The following CSMD1 variants were observed in gnomAD, a reference collection of about 807,000 sequenced individuals.
The protein encoded by CSMD1 is CUB and Sushi multiple domains 1.
Under a neutral mutation model 417.5 loss-of-function variants are expected in CSMD1, and 213 were observed. The ratio of observed to expected loss-of-function variants is 0.51; its 90% CI spans 0.46 to 0.57. The LOEUF (loss-of-function observed/expected upper bound fraction) is 0.57, where lower values mean the gene tolerates loss of function less well. CSMD1 is among the 20% of genes least tolerant of loss of function. The probability of loss-of-function intolerance (pLI) is 0.00; values close to 1 mark genes in which losing one functional copy is unlikely to be tolerated. For missense variants in CSMD1, 6,923 were observed against 4,529.7 expected (o/e 1.53, Z -15.17); for synonymous variants, 2,862 against 1,736.8 (o/e 1.65, Z -16.11).
At chr8:4,488,258 C>T (rs549170062) in intron 2 of CSMD1, among the ~76,000 whole-genome samples, 19 of 152,256 alleles carry the variant, frequency 1.2e-4, no homozygotes, top group African/African-American at 4.3e-4. Flanking sequence ...ATAAGACTCC[C>T]TGGGAGCTGA....
intron 55 of CSMD1, among the ~76,000 whole-genome samples, chr8:2,976,340 G>T (rs960592660): frequency 6.6e-6 from 1 of 152,126 alleles, no homozygotes; most frequent in South Asian, 2.1e-4. Flanking sequence ...GATTCATAAT[G>T]TAAGTGCCAT....
chr8:3,531,992 A>G (rs1798001518), intron 10 of CSMD1, among the ~76,000 whole-genome samples: 1 of 152,234 alleles, frequency 6.6e-6, no homozygotes, highest in Non-Finnish European at 1.5e-5. Context: ...CCACAGATTC[A>G]TGCCCTATGC....
chr8:3,726,326 A>G (rs979255681), intron 6 of CSMD1, among the ~76,000 whole-genome samples: 2 of 152,218 alleles, frequency 1.3e-5, no homozygotes, highest in African/African-American at 4.8e-5. Context: ...TCATTAGGCC[A>G]ATAATAATTC....
chr8:4,796,499 T>C (rs1797990196), intron 1 of CSMD1, among the ~76,000 whole-genome samples: 1 of 151,392 alleles, frequency 6.6e-6, no homozygotes, highest in African/African-American at 2.4e-5. Flanking sequence ...CCACCGAGAA[T>C]GGTCTTTCTC....
intron 5 of CSMD1, among the ~76,000 whole-genome samples, chr8:3,991,565 G>C (rs1401557480): frequency 1.3e-5 from 2 of 152,192 alleles, no homozygotes; most frequent in Non-Finnish European, 2.9e-5. Flanking sequence ...ATGCTGGAAA[G>C]AAACACGTAA....
At chr8:2,983,040 C>G (rs1308336352) in intron 54 of CSMD1, among the ~76,000 whole-genome samples, 1 of 152,102 alleles carries the variant, frequency 6.6e-6, no homozygotes, top group East Asian at 1.9e-4. Flanking sequence ...CGATTCCAGC[C>G]TGTTATGTGA....
intron 1 of CSMD1, among the ~76,000 whole-genome samples, chr8:4,928,381 G>A (rs1037358002): frequency 1.3e-5 from 2 of 152,126 alleles, no homozygotes; most frequent in Non-Finnish European, 2.9e-5. Flanking sequence ...TATCTTCTCT[G>A]ACTATGCAAG....
chr8:4,369,158 C>T (rs116710111), intron 3 of CSMD1, among the ~76,000 whole-genome samples: 5,370 of 152,180 alleles, frequency 0.035, 308 homozygotes, highest in African/African-American at 0.12. Flanking sequence ...TCCATTTTCA[C>T]TGGTTTCAAA....
chr8:3,652,647 C>G (rs953595215), intron 7 of CSMD1, among the ~76,000 whole-genome samples: 1 of 152,134 alleles, frequency 6.6e-6, no homozygotes, highest in Non-Finnish European at 1.5e-5. Context: ...ACCATCAGAT[C>G]TCGTGAGACT....
At chr8:3,597,982 T>A (rs1801173834) in intron 8 of CSMD1, among the ~76,000 whole-genome samples, 1 of 152,206 alleles carries the variant, frequency 6.6e-6, no homozygotes, top group South Asian at 2.1e-4. Context: ...ACTTAAGGTA[T>A]ATTAAAAAGT....
intron 1 of CSMD1, among the ~76,000 whole-genome samples, chr8:4,695,333 C>T (rs935246778): frequency 6.6e-6 from 1 of 152,046 alleles, no homozygotes; most frequent in Non-Finnish European, 1.5e-5. Flanking sequence ...TTCATTCAGC[C>T]TACATCCATG....
At chr8:3,706,447 G>A (rs1042505954) in intron 7 of CSMD1, among the ~76,000 whole-genome samples, 16 of 152,090 alleles carry the variant, frequency 1.1e-4, no homozygotes, top group African/African-American at 3.1e-4. Context: ...GAAGGCTCAA[G>A]GTTTCCATTC....
chr8:4,224,979 C>G (rs1308390516), intron 3 of CSMD1, among the ~76,000 whole-genome samples: 1 of 152,086 alleles, frequency 6.6e-6, no homozygotes, highest in African/African-American at 2.4e-5. Flanking sequence ...GGGCGTGGTG[C>G]CGTGCACCTG....
At chr8:4,099,291 T>A (rs1801182469) in intron 3 of CSMD1, among the ~76,000 whole-genome samples, 1 of 152,056 alleles carries the variant, frequency 6.6e-6, no homozygotes, top group Non-Finnish European at 1.5e-5. Context: ...TCTATCCTTA[T>A]TATCTCTACT....
chr8:4,700,618 C>A (rs1168788535), intron 1 of CSMD1, among the ~76,000 whole-genome samples: 4 of 152,040 alleles, frequency 2.6e-5, no homozygotes, highest in Non-Finnish European at 5.9e-5. Flanking sequence ...TTAACAGAAA[C>A]AACTGACTCA....
intron 5 of CSMD1, among the ~76,000 whole-genome samples, chr8:3,760,003 T>A (rs927634260): frequency 1.4e-4 from 22 of 151,798 alleles, no homozygotes; most frequent in African/African-American, 5.3e-4. Context: ...CCATTTTCTC[T>A]CCTGATGTCC....
intron 3 of CSMD1, among the ~76,000 whole-genome samples, chr8:4,099,939 A>G (rs771598701): frequency 1.1e-4 from 17 of 152,228 alleles, no homozygotes; most frequent in Non-Finnish European, 1.6e-4. Flanking sequence ...CAACAACAAT[A>G]GTGAATAAAA....
intron 1 of CSMD1, among the ~76,000 whole-genome samples, chr8:4,753,780 C>A (rs1484174452): frequency 6.6e-6 from 1 of 152,204 alleles, no homozygotes; most frequent in African/African-American, 2.4e-5. Context: ...CCCTTTCCTC[C>A]CCACCACTGC....
chr8:3,242,369 G>A (rs1453677829), intron 26 of CSMD1, among the ~76,000 whole-genome samples: 1 of 151,726 alleles, frequency 6.6e-6, no homozygotes, highest in Non-Finnish European at 1.5e-5. Flanking sequence ...GGGACTGAGG[G>A]GACAGGTAGG....
Sources: allele counts gnomAD v4.1 joint callset (sites outside exome capture counted in the v4.1 genomes callset), GRCh38; gene constraint gnomAD v4.1.1; transcripts MANE v1.5; gene names NCBI Gene and HGNC (gene_info 2026-07-23, HGNC 2026-07-21).